Variants in DLGAP4 observed in about 807,000 individuals in gnomAD.
DLGAP4 encodes DLG associated protein 4.
DLGAP4 carries 18 observed loss-of-function variants against 86.9 expected under a neutral mutation model. That is an observed-to-expected ratio of 0.21 (90% CI 0.14 to 0.31). The LOEUF is 0.31. Among genes scored for constraint, DLGAP4 ranks in the 10% least tolerant of loss-of-function variants. The pLI is 1.00. For missense variants in DLGAP4, 1,085 were observed against 1,362.6 expected, an observed-to-expected ratio of 0.80 and a Z score of 3.21; for synonymous variants, 548 against 574.3, an observed-to-expected ratio of 0.95 and a Z score of 0.65.
rs1600520500 is a variant in DLGAP4 at position 36,431,832 on chromosome 20, G to A, written c.115G>A (p.Ala39Thr). 1 of 1,613,910 alleles carries A rather than the reference G, an allele frequency of 6.2e-7. No individual in the cohort carries two copies. The highest frequency in any genetic ancestry group is 8.5e-7 in the Non-Finnish European group (1 of 1,179,948). Residue 39 changes from alanine to threonine, a missense_variant, in exon 3 of 13, where the codon GCC becomes ACC. Coordinates refer to ENST00000339266, the MANE Select transcript of DLGAP4 (RefSeq NM_001365621.2). The surrounding 1 kb of genome is among the most constrained non-coding windows in gnomAD (Gnocchi z 5.1). ...CCCCTACCTGCTGTCGCCCACGGAG[G>A]CCTTCGCCCGCGAGGCCCGCTTCCC... ...RNPYLLSPTE[A>T]FAREARFPGQ...
At chr20:36,389,890 A>C (rs1205511828) in intron 2 of DLGAP4, among the ~76,000 whole-genome samples, 2 of 152,220 alleles carry the variant, frequency 1.3e-5, no homozygotes, top group Non-Finnish European at 2.9e-5. Flanking sequence ...ATACAGTAAC[A>C]ACAGGGGCTG....
intron 7 of DLGAP4, among the ~76,000 whole-genome samples, chr20:36,447,923 A>G (rs959445061): frequency 6.2e-3 from 494 of 80,196 alleles, no homozygotes; most frequent in Middle Eastern, 0.023. Flanking sequence ...AGACAAGGGG[A>G]GGGAGAGCAT....
chr20:36,329,760 C>A (rs987883135), intron 1 of DLGAP4, among the ~76,000 whole-genome samples: 1 of 151,620 alleles, frequency 6.6e-6, no homozygotes, highest in Admixed American at 6.6e-5. Context: ...AGGCCAGGTG[C>A]GATGGCTCAC....
rs1391959372 is a variant in DLGAP4 at position 36,306,451 on chromosome 20, A to AGGC, written c.-354_-352dup. 1 of 149,670 alleles carries AGGC rather than the reference A, an allele frequency of 6.7e-6. No individual in the cohort carries two copies. The highest frequency in any genetic ancestry group is 6.7e-5 in the Admixed American group (1 of 14,966). 9.3% of individuals were successfully genotyped at this position (149,670 alleles called of 1,614,324 possible). ...GCGCGGACCTGCGAGCGGACCCGAG[A>AGGC]GGCGGCGGCGGCGCAGCGGAACGGC... On this transcript the variant is annotated 5_prime_UTR_variant, in exon 1 of 13. Coordinates refer to ENST00000339266, the MANE Select transcript of DLGAP4 (RefSeq NM_001365621.2). This position sits in a 1 kb window ranked among gnomAD's most constrained non-coding sequence, Gnocchi z 4.9.
At chr20:36,468,533 T>G (rs2034519858) in intron 7 of DLGAP4, among the ~76,000 whole-genome samples, 1 of 152,150 alleles carries the variant, frequency 6.6e-6, no homozygotes, top group South Asian at 2.1e-4. Context: ...AGCCAATCAT[T>G]CTCTCTGTGT....
chr20:36,441,324 T>C (rs2033441912), intron 5 of DLGAP4, among the ~76,000 whole-genome samples: 1 of 152,162 alleles, frequency 6.6e-6, no homozygotes, highest in Non-Finnish European at 1.5e-5. Context: ...GCATTTGCTG[T>C]TTCCTCTTCC....
chr20:36,366,743 G>A (rs1029011865), intron 1 of DLGAP4, among the ~76,000 whole-genome samples: 2 of 152,188 alleles, frequency 1.3e-5, no homozygotes, highest in Non-Finnish European at 2.9e-5. Context: ...AGCAAGACAG[G>A]GAAGGATTTG....
chr20:36,401,870 G>T (rs1211344559), intron 2 of DLGAP4, among the ~76,000 whole-genome samples: 2 of 152,226 alleles, frequency 1.3e-5, no homozygotes, highest in Non-Finnish European at 2.9e-5. Flanking sequence ...ATCGGGAAAA[G>T]TATTCTAGAA....
chr20:36,477,723 C>T (rs1371017223), intron 7 of DLGAP4, among the ~76,000 whole-genome samples: 1 of 152,238 alleles, frequency 6.6e-6, no homozygotes, highest in African/African-American at 2.4e-5. Context: ...ATTTATGACT[C>T]AGAGTCAGTG....
intron 1 of DLGAP4, among the ~76,000 whole-genome samples, chr20:36,327,622 C>T (rs1198200143): frequency 1.1e-3 from 146 of 136,810 alleles, no homozygotes; most frequent in Admixed American, 3.6e-3. Context: ...GACGGAGTCT[C>T]GCTCTGTCGC....
intron 10 of DLGAP4, among the ~76,000 whole-genome samples, chr20:36,506,204 G>T (rs145123542): frequency 2.6e-3 from 399 of 152,244 alleles, no homozygotes; most frequent in African/African-American, 8.3e-3. Flanking sequence ...GGGGCAGGGT[G>T]CACAGATTGC....
intron 1 of DLGAP4, among the ~76,000 whole-genome samples, chr20:36,331,579 C>T (rs2065268921): frequency 1.3e-5 from 2 of 152,126 alleles, no homozygotes; most frequent in Non-Finnish European, 2.9e-5. Flanking sequence ...AAGGGAGTTC[C>T]CTGGCAGCAG....
intron 1 of DLGAP4, among the ~76,000 whole-genome samples, chr20:36,366,524 C>T (rs1340720936): frequency 5.9e-5 from 9 of 152,184 alleles, no homozygotes; most frequent in Non-Finnish European, 1.3e-4. Context: ...GGGCTTATTT[C>T]ACCTGCACTG....
intron 4 of DLGAP4, 133 bp downstream of exon 4, chr20:36,436,483 GC>G: frequency 7.3e-7 from 1 of 1,376,336 alleles, no homozygotes; most frequent in Non-Finnish European, 9.5e-7. Flanking sequence ...TTTGAGCCAC[GC>G]CCACTCATGA....
rs540063853 is a variant in DLGAP4 at position 36,461,815 on chromosome 20, C to G, written c.1648+14878C>G. ...CCGCCAGTCCTCCAGCCCGTGTCCC[C>G]GCTCCGCCCGCTTTGTCTCTCCCCG... On this transcript the variant is annotated intron_variant, in intron 7 of 12. Coordinates refer to ENST00000339266, the MANE Select transcript of DLGAP4 (RefSeq NM_001365621.2). 6,533 of 980,872 alleles carry G rather than the reference C, an allele frequency of 6.7e-3. 29 individuals are homozygous for G. The highest frequency in any genetic ancestry group is 7.2e-3 in the Non-Finnish European group (6,000 of 828,048). The allele number at this position is 980,872 out of a possible 1,614,324, so 60.8% of individuals were successfully genotyped here. A position where few individuals can be genotyped will look rare whatever the true frequency, so the allele number is the denominator to read the frequency against.
intron 1 of DLGAP4, among the ~76,000 whole-genome samples, chr20:36,321,411 C>G (rs1555890536): frequency 1.3e-5 from 2 of 152,246 alleles, no homozygotes; most frequent in Non-Finnish European, 2.9e-5. Flanking sequence ...GGGGGAGTTT[C>G]CAGCAAGGCA....
At chr20:36,517,040 A>G (rs532241495) in intron 10 of DLGAP4, among the ~76,000 whole-genome samples, 1 of 145,662 alleles carries the variant, frequency 6.9e-6, no homozygotes, top group South Asian at 2.5e-4. Flanking sequence ...TGCTGGGATT[A>G]CAGGCATGAG....
chr20:36,336,266 C>T lies in DLGAP4; in HGVS notation c.-304+29754C>T, dbSNP rs187013925. Among the ~76,000 whole-genome samples the T allele has an allele frequency of 5.3e-5, 8 of 152,222 alleles. No homozygotes were observed. In the East Asian group the frequency reaches 1.4e-3, roughly 26 times the overall value. ...TCACCTAGGAGACAACTGTTGATGC[C>T]CCATCCTGATTTCCTCCCCTGACCA... On this transcript the variant is annotated intron_variant, in intron 1 of 12. Coordinates refer to ENST00000339266, the MANE Select transcript of DLGAP4 (RefSeq NM_001365621.2).
chr20:36,409,386 AT>A lies in DLGAP4; in HGVS notation c.-72-22253del, dbSNP rs1279865047. Among the ~76,000 whole-genome samples, 511 of 145,070 alleles carry A rather than the reference AT, an allele frequency of 3.5e-3. 3 individuals carry two copies. The highest frequency in any genetic ancestry group is 0.013 in the African/African-American group (494 of 39,396). ...CAGAACTTAAAGTAAAATAAAAAAA[AT>A]TTTTTTAAGACTTTTTTTTTTTAAC... On this transcript the variant is annotated intron_variant, in intron 2 of 12. Coordinates refer to ENST00000339266, the MANE Select transcript of DLGAP4 (RefSeq NM_001365621.2).
Sources: gnomAD v4.1 joint callset for allele counts (sites outside exome capture counted in the v4.1 genomes callset) on GRCh38, gnomAD v4.1.1 for gene constraint, Gnocchi (gnomAD v3.1) non-coding constraint, MANE v1.5 for transcripts, NCBI Gene and HGNC (gene_info 2026-07-23, HGNC 2026-07-21) for gene names.